The following CTNNA3 variants were observed in gnomAD, a reference collection of about 807,000 sequenced individuals.
The protein encoded by CTNNA3 is catenin alpha 3.
Under a neutral mutation model 95.7 loss-of-function variants are expected in CTNNA3, and 76 were observed. The ratio of observed to expected loss-of-function variants is 0.79; its 90% confidence interval spans 0.66 to 0.96. CTNNA3 has a LOEUF of 0.96. Among genes scored for constraint, CTNNA3 ranks in the 40% least tolerant of loss-of-function variants. CTNNA3 has a pLI of 0.00. For synonymous variants in CTNNA3, 431 were observed against 374.4 expected (o/e 1.15, Z -1.74); for missense variants, 1,191 against 1,089.8 (o/e 1.09, Z -1.31).
At chr10:66,584,744 C>G (rs1284025559) in intron 10 of CTNNA3, among the ~76,000 whole-genome samples, 3 of 151,884 alleles carry the variant, frequency 2.0e-5, no homozygotes, top group African/African-American at 7.3e-5. Context: ...TACTTAGTGA[C>G]TTTGTTTTCT....
intron 7 of CTNNA3, among the ~76,000 whole-genome samples, chr10:66,990,245 C>G (rs1384066899): frequency 6.6e-6 from 1 of 152,138 alleles, no homozygotes; most frequent in Admixed American, 6.6e-5. Context: ...GTCCCATTGT[C>G]TCCCAATATC....
chr10:66,231,741 T>TAA lies in CTNNA3; in HGVS notation c.1884+48727_1884+48728dup, dbSNP rs151194436. Among the ~76,000 whole-genome samples the TAA allele has an allele frequency of 2.0e-3, 310 of 152,330 alleles. 2 individuals are homozygous for TAA. Among genetic ancestry groups the TAA allele is most frequent in the African/African-American group, 7.3e-3 (302 of 41,580 alleles). ...TTACTAGAGAAGCTAAATGCAAAAC[T>TAA]AAATAGACTAGCAATTATTATCCAA... On this transcript the variant is annotated intron_variant, in intron 13 of 17. Transcript: ENST00000433211.
intron 11 of CTNNA3, among the ~76,000 whole-genome samples, chr10:66,506,315 A>G (rs746350159): frequency 1.3e-5 from 2 of 152,118 alleles, no homozygotes; most frequent in Non-Finnish European, 2.9e-5. Flanking sequence ...GCCTTTTCCT[A>G]TGGAAGTTCA....
intron 7 of CTNNA3, among the ~76,000 whole-genome samples, chr10:67,051,567 C>T (rs1293000887): frequency 6.6e-6 from 1 of 150,920 alleles, no homozygotes; most frequent in Non-Finnish European, 1.5e-5. Context: ...TCAAGCGATT[C>T]TCCTGCCTCA....
intron 4 of CTNNA3, among the ~76,000 whole-genome samples, chr10:67,529,647 ATAC>A (rs1314208764): frequency 5.3e-5 from 8 of 150,906 alleles, no homozygotes; most frequent in Non-Finnish European, 1.2e-4. Flanking sequence ...TATAATAATA[ATAC>A]AATAAATAAA....
At chr10:66,057,507 T>C (rs376256126) in intron 15 of CTNNA3, among the ~76,000 whole-genome samples, 9 of 152,316 alleles carry the variant, frequency 5.9e-5, no homozygotes, top group Non-Finnish European at 1.3e-4. Context: ...TTAGCAATCA[T>C]CCTGTACATT....
intron 5 of CTNNA3, among the ~76,000 whole-genome samples, chr10:67,224,241 G>A (rs1864789002): frequency 6.6e-6 from 1 of 152,130 alleles, no homozygotes; most frequent in Non-Finnish European, 1.5e-5. Context: ...TGACCAATAT[G>A]TCCCCGTTTC....
At chr10:66,270,157 T>G (rs2091245907) in intron 13 of CTNNA3, among the ~76,000 whole-genome samples, 1 of 147,978 alleles carries the variant, frequency 6.8e-6, no homozygotes, top group Admixed American at 6.7e-5. Context: ...GATTACATTT[T>G]GAACAAATGT....
chr10:66,503,200 C>A (rs1427940684), intron 11 of CTNNA3, among the ~76,000 whole-genome samples: 3 of 152,120 alleles, frequency 2.0e-5, no homozygotes, highest in African/African-American at 7.2e-5. Flanking sequence ...GTAATTTATT[C>A]AATTCTTCCA....
chr10:67,159,379 G>A (rs1201631113), intron 7 of CTNNA3, among the ~76,000 whole-genome samples: 1 of 152,102 alleles, frequency 6.6e-6, no homozygotes, highest in Admixed American at 6.5e-5. Flanking sequence ...TTTGTCTGCG[G>A]CTCGTCCTGC....
At chr10:66,820,609 A>G (rs539646758) in intron 7 of CTNNA3, among the ~76,000 whole-genome samples, 1 of 151,368 alleles carries the variant, frequency 6.6e-6, no homozygotes, top group Non-Finnish European at 1.5e-5. Context: ...AGAGAAAAGT[A>G]TATGGTAACA....
At chr10:66,428,037 A>C (rs1455492361) in intron 11 of CTNNA3, among the ~76,000 whole-genome samples, 1 of 152,182 alleles carries the variant, frequency 6.6e-6, no homozygotes, top group African/African-American at 2.4e-5. Context: ...ACATGGGCTC[A>C]AAATAAAAGG....
At chr10:67,335,102 G>A (rs1258543935) in intron 5 of CTNNA3, among the ~76,000 whole-genome samples, 2 of 152,054 alleles carry the variant, frequency 1.3e-5, no homozygotes, top group African/African-American at 2.4e-5. Flanking sequence ...CTGTCAGTAT[G>A]GGGTTTCCAC....
At chr10:67,027,209 G>T (rs1046207224) in intron 7 of CTNNA3, among the ~76,000 whole-genome samples, 1 of 152,072 alleles carries the variant, frequency 6.6e-6, no homozygotes. Context: ...AACAAAAGGA[G>T]GAGAGATGAG....
At chr10:66,564,858 T>C (rs985056446) in intron 10 of CTNNA3, among the ~76,000 whole-genome samples, 1 of 152,196 alleles carries the variant, frequency 6.6e-6, no homozygotes, top group African/African-American at 2.4e-5. Flanking sequence ...TGTATTTTAT[T>C]TTTTCAAGTG....
At chr10:67,501,151 C>A (rs571889115) in intron 5 of CTNNA3, among the ~76,000 whole-genome samples, 1 of 152,214 alleles carries the variant, frequency 6.6e-6, no homozygotes, top group Non-Finnish European at 1.5e-5. Flanking sequence ...TCTTGTAAGG[C>A]AGGCCTGGTG....
intron 7 of CTNNA3, among the ~76,000 whole-genome samples, chr10:67,175,968 A>G (rs1040665202): frequency 2.0e-5 from 3 of 152,180 alleles, no homozygotes; most frequent in South Asian, 2.1e-4. Context: ...TATGTTATAC[A>G]TCAGAGAAGA....
intron 7 of CTNNA3, among the ~76,000 whole-genome samples, chr10:67,071,831 C>G (rs192103693): frequency 3.7e-4 from 56 of 152,184 alleles, no homozygotes; most frequent in African/African-American, 1.3e-3. Context: ...AGTATTTTTT[C>G]AGTTCACTAA....
chr10:66,747,552 G>A (rs572577058), intron 9 of CTNNA3, among the ~76,000 whole-genome samples: 8 of 152,200 alleles, frequency 5.3e-5, no homozygotes, highest in East Asian at 1.9e-4. Context: ...ACCTATGCAC[G>A]TCACTTAGCT....
Sources: allele counts gnomAD v4.1 joint callset (sites outside exome capture counted in the v4.1 genomes callset), GRCh38; gene constraint gnomAD v4.1.1; transcripts MANE v1.5; gene names NCBI Gene and HGNC (gene_info 2026-07-23, HGNC 2026-07-21).